The following ADGRL2 variants were observed in gnomAD, a reference collection of about 807,000 sequenced individuals.
The protein encoded by ADGRL2 is calcium-independent alpha-latrotoxin receptor 2.
Under a neutral mutation model 157.4 loss-of-function variants are expected in ADGRL2, and 44 were observed. The observed-to-expected ratio is 0.28, with a 90% confidence interval of 0.22 to 0.36. ADGRL2 has a LOEUF of 0.36. Among genes scored for constraint, ADGRL2 ranks in the 10% least tolerant of loss-of-function variants. ADGRL2 has a pLI of 1.00. For synonymous variants in ADGRL2, 585 were observed against 624.7 expected (o/e 0.94, Z 0.95); for missense variants, 1,510 against 1,768.9 (o/e 0.85, Z 2.63).
At chr1:81,485,127 AAAG>A (rs1368933958) in intron 2 of ADGRL2, among the ~76,000 whole-genome samples, 1 of 152,046 alleles carries the variant, frequency 6.6e-6, no homozygotes, top group Non-Finnish European at 1.5e-5. Flanking sequence ...AATTAGGTCT[AAAG>A]AAGAAAAGCA....
chr1:81,512,340 C>T (rs1250834559), intron 2 of ADGRL2, among the ~76,000 whole-genome samples: 1 of 152,162 alleles, frequency 6.6e-6, no homozygotes, highest in Non-Finnish European at 1.5e-5. Context: ...TAAAGAAGTG[C>T]AAAATCAGAG....
intron 2 of ADGRL2, among the ~76,000 whole-genome samples, chr1:81,456,615 A>C (rs891272171): frequency 6.6e-6 from 1 of 151,832 alleles, no homozygotes; most frequent in African/African-American, 2.4e-5. Context: ...TGGCCCCATA[A>C]ATCCCCATCT....
At chr1:81,341,365 T>C (rs1662057067) in intron 1 of ADGRL2, among the ~76,000 whole-genome samples, 1 of 152,102 alleles carries the variant, frequency 6.6e-6, no homozygotes, top group Admixed American at 6.6e-5. Flanking sequence ...TAAAGACATG[T>C]CATCTCTGTG....
At chr1:81,794,519 T>G (rs1031442608) in intron 2 of ADGRL2, among the ~76,000 whole-genome samples, 4 of 152,198 alleles carry the variant, frequency 2.6e-5, no homozygotes, top group Non-Finnish European at 5.9e-5. Flanking sequence ...GTGTTTGTAT[T>G]TCTAACCTAA....
chr1:81,335,149 G>A (rs1457702308), intron 1 of ADGRL2, among the ~76,000 whole-genome samples: 2 of 151,962 alleles, frequency 1.3e-5, no homozygotes, highest in African/African-American at 2.4e-5. Flanking sequence ...TTCTTCCAAG[G>A]CCTTATGAAT....
At chr1:81,522,411 G>A (rs1323523666) in intron 2 of ADGRL2, among the ~76,000 whole-genome samples, 1 of 152,148 alleles carries the variant, frequency 6.6e-6, no homozygotes, top group African/African-American at 2.4e-5. Flanking sequence ...GAGGGTGCTA[G>A]GATTACTACA....
intron 1 of ADGRL2, among the ~76,000 whole-genome samples, chr1:81,354,061 T>G (rs1024688535): frequency 6.6e-6 from 1 of 152,092 alleles, no homozygotes; most frequent in African/African-American, 2.4e-5. Context: ...ATATGAGAAT[T>G]TGGAAGTAAG....
chr1:81,883,000 C>G (rs564107144), intron 2 of ADGRL2, among the ~76,000 whole-genome samples: 76 of 152,206 alleles, frequency 5.0e-4, no homozygotes, highest in African/African-American at 1.8e-3. Flanking sequence ...ATTTTTGCTA[C>G]TTAATTATGT....
Position 81,746,923 on chromosome 1 carries a change from C to T in ADGRL2, c.-142-14888C>T, listed in dbSNP as rs116207643. 8.2e-3 allele frequency among the ~76,000 whole-genome samples: 1,193 copies of T among 145,462 alleles called. 22 individuals carry two copies. Among genetic ancestry groups the T allele is most frequent in the African/African-American group, 0.029 (1,121 of 38,980 alleles). On this transcript the variant is annotated intron_variant, in intron 1 of 20. Coordinates refer to the ADGRL2 transcript ENST00000359929. ...ATATACACACGTGCACACGTATATA[C>T]GTATATACACACGTATACACATGTA...
rs1487772342 is a variant in ADGRL2, at chr1:81,951,099, G to T, written c.1586G>T (p.Trp529Leu). The T allele has an allele frequency of 6.2e-7, 1 of 1,612,882 alleles. No individual in the cohort carries two copies. The highest frequency in any genetic ancestry group is 1.7e-5 in the Admixed American group (1 of 59,992). ...GATCTTAGCAACTGTACCTCACACT[G>T]GGTGAATCAGCTGGCTCAGAAGGTT... The part of the protein sequence containing the change: ...GPDLSNCTSH[W>L]VNQLAQKIRS... Residue 529 changes from tryptophan to leucine, a missense_variant, in exon 8 of 24, where the codon TGG becomes TTG. Trp to Leu is a moderately conservative substitution (Grantham distance 61). Around this residue, in one of 4 missense-constraint regions of ADGRL2, gnomAD observed 325 missense variants for 333.2 expected, o/e 0.98. Transcript: ENST00000686636.
intron 2 of ADGRL2, among the ~76,000 whole-genome samples, chr1:81,466,318 A>G (rs933346467): frequency 6.6e-6 from 1 of 152,202 alleles, no homozygotes; most frequent in South Asian, 2.1e-4. Context: ...TCATGATATC[A>G]AAGTGTAGGC....
At chr1:81,392,338 G>GAAAT (rs879521508) in intron 1 of ADGRL2, among the ~76,000 whole-genome samples, 90 of 152,022 alleles carry the variant, frequency 5.9e-4, no homozygotes, top group Admixed American at 1.0e-3. Flanking sequence ...GAATATATTT[G>GAAAT]AAATATTTAA....
intron 3 of ADGRL2, chr1:81,596,164 A>G (rs1202349275): frequency 1.4e-5 from 7 of 493,342 alleles, no homozygotes; most frequent in Non-Finnish European, 2.7e-5. Context: ...AGCATCCGCA[A>G]TGGTGACTTC....
intron 3 of ADGRL2, among the ~76,000 whole-genome samples, chr1:81,664,461 A>G (rs2082716348): frequency 6.6e-6 from 1 of 152,178 alleles, no homozygotes; most frequent in Admixed American, 6.6e-5. Flanking sequence ...TTCTGAAACA[A>G]TCAGTGACAT....
chr1:81,511,261 C>G (rs779139037), intron 2 of ADGRL2, among the ~76,000 whole-genome samples: 5 of 151,656 alleles, frequency 3.3e-5, no homozygotes, highest in Non-Finnish European at 5.9e-5. Flanking sequence ...AACTAACAAG[C>G]CAGGCACAGT....
intron 1 of ADGRL2, among the ~76,000 whole-genome samples, chr1:81,390,905 A>T (rs1329744061): frequency 1.3e-5 from 2 of 152,300 alleles, no homozygotes; most frequent in Non-Finnish European, 2.9e-5. Flanking sequence ...CACCCATTAC[A>T]TTAGCAGCTT....
intron 2 of ADGRL2, among the ~76,000 whole-genome samples, chr1:81,871,777 G>A (rs4294459): frequency 6.6e-6 from 1 of 151,736 alleles, no homozygotes; most frequent in African/African-American, 2.4e-5. Flanking sequence ...CTTTTTGATG[G>A]GGTTGTTTGA....
intron 2 of ADGRL2, among the ~76,000 whole-genome samples, chr1:81,846,138 A>C (rs1427933624): frequency 6.6e-6 from 1 of 151,936 alleles, no homozygotes; most frequent in Admixed American, 6.6e-5. Flanking sequence ...AATTTTAACC[A>C]ACACAGTAGT....
chr1:81,854,848 G>T (rs959325575), intron 2 of ADGRL2, among the ~76,000 whole-genome samples: 10 of 152,140 alleles, frequency 6.6e-5, no homozygotes, highest in African/African-American at 2.2e-4. Context: ...TTGCAAATAG[G>T]TCAATGTGTG....
Sources: gnomAD v4.1 joint callset for allele counts (sites outside exome capture counted in the v4.1 genomes callset) on GRCh38, gnomAD v4.1.1 for gene constraint, gnomAD v4.1.1 regional missense constraint, MANE v1.5 for transcripts, NCBI Gene and HGNC (gene_info 2026-07-23, HGNC 2026-07-21) for gene names.